L3MBTL4: variants seen among roughly 807,000 people sequenced by gnomAD.
L3MBTL4 encodes lethal(3)malignant brain tumor-like protein 4.
A neutral mutation model predicts 84.5 loss-of-function variants in L3MBTL4; 70 were observed. The observed-to-expected ratio is 0.83, with a 90% CI of 0.68 to 1.01. L3MBTL4 has a LOEUF of 1.01. Among genes scored for constraint, L3MBTL4 ranks in the 50% least tolerant of loss-of-function variants. The pLI is 0.00. For missense variants in L3MBTL4, 715 were observed against 754.8 expected (o/e 0.95, Z 0.62); for synonymous variants, 274 against 259.8 (o/e 1.05, Z -0.52).
At chr18:6,297,223 A>G (rs2050143091) in intron 4 of L3MBTL4, among the ~76,000 whole-genome samples, 1 of 152,196 alleles carries the variant, frequency 6.6e-6, no homozygotes, top group African/African-American at 2.4e-5. Flanking sequence ...GTTGCTCTTA[A>G]GAAACTTAGA....
At chr18:5,963,747 C>T (rs1438683031) in intron 17 of L3MBTL4, among the ~76,000 whole-genome samples, 2 of 152,204 alleles carry the variant, frequency 1.3e-5, no homozygotes, top group African/African-American at 4.8e-5. Flanking sequence ...AAAGTTCTGC[C>T]ACAGATTTTC....
chr18:6,188,814 T>G (rs767173338), intron 12 of L3MBTL4, among the ~76,000 whole-genome samples: 5 of 152,244 alleles, frequency 3.3e-5, no homozygotes, highest in Admixed American at 6.5e-5. Context: ...GGGAGACCCC[T>G]GTAATCTCCT....
intron 15 of L3MBTL4, 29 bp from the exon 16 acceptor site, chr18:6,080,980 A>T: frequency 1.3e-6 from 2 of 1,537,294 alleles, no homozygotes. Context: ...TAAAATCTAG[A>T]TTCATTATCC....
intron 4 of L3MBTL4, among the ~76,000 whole-genome samples, chr18:6,291,143 T>G (rs1358348049): frequency 6.6e-6 from 1 of 152,130 alleles, no homozygotes; most frequent in Non-Finnish European, 1.5e-5. Context: ...ACATGGAATC[T>G]CGCCCCTTTT....
At chr18:6,223,072 C>A (rs114019161) in intron 10 of L3MBTL4, among the ~76,000 whole-genome samples, 1,935 of 151,780 alleles carry the variant, frequency 0.013, 46 homozygotes, top group African/African-American at 0.045. Flanking sequence ...GTTCATGAAA[C>A]ATCTAGAATA....
intron 16 of L3MBTL4, chr18:6,029,920 C>T (rs546067498): frequency 1.1e-5 from 11 of 985,424 alleles, no homozygotes; most frequent in African/African-American, 3.5e-5. Context: ...GTACAGAAGA[C>T]ACTTTTTATT....
intron 1 of L3MBTL4, among the ~76,000 whole-genome samples, chr18:6,349,876 T>C (rs2053096080): frequency 6.6e-6 from 1 of 152,174 alleles, no homozygotes; most frequent in Non-Finnish European, 1.5e-5. Flanking sequence ...GTCCTACTAA[T>C]GTAATGTTTC....
At chr18:6,048,028 CCTAGAACAGGTAAACAA>C (rs1177879783) in intron 16 of L3MBTL4, among the ~76,000 whole-genome samples, 1 of 152,164 alleles carries the variant, frequency 6.6e-6, no homozygotes, top group African/African-American at 2.4e-5. Flanking sequence ...CCAAAAGCCT[CCTAGAACAGGTAAACAA>C]CTTCAGTAAA....
intron 1 of L3MBTL4, among the ~76,000 whole-genome samples, chr18:6,313,642 C>T (rs1373879256): frequency 6.6e-6 from 1 of 152,138 alleles, no homozygotes; most frequent in East Asian, 1.9e-4. Flanking sequence ...CAAGCACTGC[C>T]AAAGCTGGCC....
intron 14 of L3MBTL4, among the ~76,000 whole-genome samples, chr18:6,128,731 A>G (rs2059780404): frequency 6.6e-6 from 1 of 152,154 alleles, no homozygotes; most frequent in African/African-American, 2.4e-5. Flanking sequence ...AATGAAGAAC[A>G]TAAATTGGTG....
intron 10 of L3MBTL4, among the ~76,000 whole-genome samples, chr18:6,218,823 C>T (rs1310955198): frequency 6.6e-6 from 1 of 152,126 alleles, no homozygotes; most frequent in African/African-American, 2.4e-5. Context: ...CCTGGTAGAC[C>T]TTGGGAAGCA....
intron 4 of L3MBTL4, among the ~76,000 whole-genome samples, chr18:6,301,280 T>C (rs969270976): frequency 5.3e-5 from 8 of 152,216 alleles, no homozygotes; most frequent in African/African-American, 7.2e-5. Context: ...ACACAAATGT[T>C]GTTGGACATT....
chr18:6,144,741 G>A (rs191298686), intron 13 of L3MBTL4, among the ~76,000 whole-genome samples: 2 of 152,186 alleles, frequency 1.3e-5, no homozygotes, highest in South Asian at 2.1e-4. Flanking sequence ...GAAAGGCACC[G>A]TAAAGACAAA....
intron 16 of L3MBTL4, among the ~76,000 whole-genome samples, chr18:6,003,157 A>T (rs201876761): frequency 9.5e-6 from 1 of 105,810 alleles, no homozygotes; most frequent in Admixed American, 1.2e-4. Flanking sequence ...TACTATATAA[A>T]ATATAGTATC....
intron 5 of L3MBTL4, among the ~76,000 whole-genome samples, chr18:6,256,165 C>T (rs1040134578): frequency 8.5e-5 from 13 of 152,168 alleles, no homozygotes; most frequent in Non-Finnish European, 1.8e-4. Flanking sequence ...GGGCTAAATA[C>T]AAATTCAGAC....
intron 16 of L3MBTL4, among the ~76,000 whole-genome samples, chr18:6,071,119 A>C (rs1164000699): frequency 6.6e-6 from 1 of 152,134 alleles, no homozygotes; most frequent in Non-Finnish European, 1.5e-5. Flanking sequence ...GGCTGGACAC[A>C]GTGGCTTATA....
At chr18:6,112,978 T>C (rs987193131) in intron 14 of L3MBTL4, among the ~76,000 whole-genome samples, 7 of 152,160 alleles carry the variant, frequency 4.6e-5, no homozygotes, top group African/African-American at 1.4e-4. Context: ...TGTCCGGGAA[T>C]GCACATGGTA....
At chr18:6,174,200 C>A (rs781513179) in intron 12 of L3MBTL4, among the ~76,000 whole-genome samples, 17 of 147,212 alleles carry the variant, frequency 1.2e-4, no homozygotes, top group Admixed American at 2.7e-4. Flanking sequence ...ATATAACATA[C>A]AAAAGTTTAT....
At chr18:6,021,406 G>A (rs1453617379) in intron 16 of L3MBTL4, among the ~76,000 whole-genome samples, 1 of 152,164 alleles carries the variant, frequency 6.6e-6, no homozygotes, top group East Asian at 1.9e-4. Flanking sequence ...CATAAAGCTT[G>A]GTGAAGAAAT....
Sources: allele counts gnomAD v4.1 joint callset (sites outside exome capture counted in the v4.1 genomes callset), GRCh38; gene constraint gnomAD v4.1.1; transcripts MANE v1.5; gene names NCBI Gene and HGNC (gene_info 2026-07-23, HGNC 2026-07-21).